The following INPP5A variants were observed in gnomAD, a reference collection of about 807,000 sequenced individuals.
INPP5A encodes the protein 43 kDa inositol polyphosphate 5-phophatase.
A neutral mutation model predicts 65.2 loss-of-function variants in INPP5A; 14 were observed. That is an observed-to-expected ratio of 0.21 (90% CI 0.14 to 0.34). The LOEUF (loss-of-function observed/expected upper bound fraction) is 0.34. INPP5A is among the 10% of genes least tolerant of loss of function. INPP5A has a pLI of 1.00. For missense variants in INPP5A, 431 were observed against 545.6 expected (o/e 0.79, Z 2.09); for synonymous variants, 207 against 208.3 (o/e 0.99, Z 0.05).
chr10:132,548,399 C>T (rs1013093232), intron 1 of INPP5A, among the ~76,000 whole-genome samples: 7 of 152,054 alleles, frequency 4.6e-5, no homozygotes, highest in African/African-American at 1.2e-4. Context: ...GCCGGTGGCC[C>T]GGGAGTCGAC....
chr10:132,719,663 T>C (rs1348334065), intron 8 of INPP5A, among the ~76,000 whole-genome samples: 2 of 148,938 alleles, frequency 1.3e-5, no homozygotes, highest in African/African-American at 2.5e-5. Flanking sequence ...GGGTTCTGTC[T>C]GGGCACCTTA....
rs556753513 is a variant in INPP5A at position 132,672,510 on chromosome 10, A to G, written c.307-17882A>G. ...GTTTTACAAAGAGGAGTTTCCCTGC[A>G]CAAGCTCTTTCTTTGCCTGCTTCCA... On this transcript the variant is annotated intron_variant, in intron 4 of 15. Transcript: ENST00000368594. Among the ~76,000 whole-genome samples, 139 of 152,268 alleles carry G rather than the reference A, an allele frequency of 9.1e-4. 1 individual carries two copies. The highest frequency in any genetic ancestry group is 2.6e-3 in the Admixed American group (40 of 15,278).
intron 5 of INPP5A, among the ~76,000 whole-genome samples, chr10:132,692,145 C>A (rs771481981): frequency 1.2e-4 from 18 of 152,078 alleles, no homozygotes; most frequent in Non-Finnish European, 1.9e-4. Context: ...ACCTAGAAAT[C>A]AGAAACAGTA....
intron 4 of INPP5A, among the ~76,000 whole-genome samples, chr10:132,689,043 G>T (rs76956540): frequency 0.015 from 2,256 of 152,328 alleles, 34 homozygotes; most frequent in South Asian, 0.039. Context: ...GTTAATGTTT[G>T]CAAGCGTGTG....
chr10:132,738,711 G>A (rs1846221743), intron 9 of INPP5A, among the ~76,000 whole-genome samples: 1 of 152,244 alleles, frequency 6.6e-6, no homozygotes, highest in South Asian at 2.1e-4. Context: ...AGCAACCTTG[G>A]GAGAGGACAT....
intron 9 of INPP5A, among the ~76,000 whole-genome samples, chr10:132,739,535 GC>G (rs1006556083): frequency 7.9e-5 from 12 of 152,346 alleles, no homozygotes; most frequent in African/African-American, 2.9e-4. Context: ...GGTCCTAGTA[GC>G]CACCAGCATA....
chr10:132,570,334 C>T (rs915775940), intron 1 of INPP5A, among the ~76,000 whole-genome samples: 1 of 152,222 alleles, frequency 6.6e-6, no homozygotes, highest in African/African-American at 2.4e-5. Flanking sequence ...TTAACTGTAG[C>T]CCTTCTGTGG....
At chr10:132,672,498 G>T (rs1027641259) in intron 4 of INPP5A, among the ~76,000 whole-genome samples, 4 of 152,142 alleles carry the variant, frequency 2.6e-5, no homozygotes, top group Non-Finnish European at 5.9e-5. Flanking sequence ...TTACAAAGAG[G>T]AGTTTCCCTG....
At chr10:132,593,622 C>T (rs1024121306) in intron 1 of INPP5A, among the ~76,000 whole-genome samples, 14 of 152,242 alleles carry the variant, frequency 9.2e-5, no homozygotes, top group East Asian at 3.8e-4. Context: ...CCTCCAGTCT[C>T]TTCTTGCTGG....
In INPP5A at chr10:132,698,790, A is replaced by G. The variant is rs1222688648; in HGVS notation, c.474+871A>G. Reference sequence around the variant, plus strand: ...GGACTTGTCTGCGCAGGCAGCCCCAAGAAGGATTGCTCTGCGGTCCTGTCT... The same window carrying G: ...GGACTTGTCTGCGCAGGCAGCCCCAGGAAGGATTGCTCTGCGGTCCTGTCT... On this transcript the variant is annotated intron_variant, in intron 6 of 15. Coordinates refer to ENST00000368594, the MANE Select transcript of INPP5A (RefSeq NM_005539.5). This position sits in a 1 kb window ranked among gnomAD's most constrained non-coding sequence, Gnocchi z 5.5. 1.3e-5 allele frequency among the ~76,000 whole-genome samples: 2 copies of G among 152,198 alleles called. No individual in the cohort carries two copies. The highest frequency in any genetic ancestry group is 1.9e-4 in the East Asian group (1 of 5,178).
intron 8 of INPP5A, among the ~76,000 whole-genome samples, chr10:132,716,140 G>A (rs2803996): frequency 0.093 from 14,120 of 152,276 alleles, 745 homozygotes; most frequent in African/African-American, 0.13. Context: ...CAGGGGCAGC[G>A]CCTGCACCCG....
chr10:132,773,626 G>A (rs1052743403), intron 12 of INPP5A, among the ~76,000 whole-genome samples: 2 of 152,224 alleles, frequency 1.3e-5, no homozygotes, highest in African/African-American at 4.8e-5. Flanking sequence ...TCCGCCTGGT[G>A]GTCAGGAACC....
Position 132,678,243 on chromosome 10 carries a change from G to A in INPP5A, c.307-12149G>A, listed in dbSNP as rs2072994839. Among the ~76,000 whole-genome samples the A allele has an allele frequency of 1.3e-5, 2 of 152,222 alleles. No individual in the cohort carries two copies. Among genetic ancestry groups the A allele is most frequent in the African/African-American group, 2.4e-5 (1 of 41,456 alleles). The stretch of plus-strand genomic sequence containing the variant: ...ACTGGGGGAAGTGGGCAGTAGTGAG[G>A]ACGCCGCCTTGTCCAGTTGGGTCAG... On this transcript the variant is annotated intron_variant, in intron 4 of 15. Coordinates refer to ENST00000368594, the MANE Select transcript of INPP5A (RefSeq NM_005539.5). The surrounding 1 kb of genome is among the most constrained non-coding windows in gnomAD (Gnocchi z 4.1).
chr10:132,585,512 T>C (rs981784196), intron 1 of INPP5A, among the ~76,000 whole-genome samples: 1 of 152,234 alleles, frequency 6.6e-6, no homozygotes, highest in African/African-American at 2.4e-5. Context: ...AAAACCATGG[T>C]GTATATGGGG....
In INPP5A at chr10:132,753,381, G is replaced by A. The variant is rs1041592844; in HGVS notation, c.903+3536G>A. On this transcript the variant is annotated intron_variant, in intron 11 of 15. Transcript: ENST00000368594. This position sits in a 1 kb window ranked among gnomAD's most constrained non-coding sequence, Gnocchi z 5.3. ...CGCCGGTCGCAGCCCCAAGTCCATT[G>A]CATCCTTCATCAACCGCCGGTCTTG... Among the ~76,000 whole-genome samples, 1 of 152,196 alleles carries A rather than the reference G, an allele frequency of 6.6e-6. No homozygotes were observed. Among genetic ancestry groups the A allele is most frequent in the East Asian group, 1.9e-4 (1 of 5,194 alleles).
chr10:132,542,642 C>A (rs188372979), intron 1 of INPP5A, among the ~76,000 whole-genome samples: 4 of 152,274 alleles, frequency 2.6e-5, no homozygotes, highest in Admixed American at 2.0e-4. Flanking sequence ...CACTCCTGCA[C>A]AGCAGGGCCC....
In INPP5A at chr10:132,663,904, G is replaced by A. The variant is rs976609214; in HGVS notation, c.306+13399G>A. 5.3e-5 allele frequency among the ~76,000 whole-genome samples: 8 copies of A among 152,358 alleles called. No homozygotes were observed. In the East Asian group the frequency reaches 5.8e-4, roughly 11 times the overall value. Reference sequence around the variant, plus strand: ...GGCTCTGTGGCAAAGGCTGGGCCAAGGTGCCTCGTGGGCAGCCGATCCATC... The same window carrying A: ...GGCTCTGTGGCAAAGGCTGGGCCAAAGTGCCTCGTGGGCAGCCGATCCATC... On this transcript the variant is annotated intron_variant, in intron 4 of 15. Transcript: ENST00000368594. This position sits in a 1 kb window ranked among gnomAD's most constrained non-coding sequence, Gnocchi z 4.5.
At chr10:132,584,953 C>G (rs946217876) in intron 1 of INPP5A, among the ~76,000 whole-genome samples, 1 of 152,044 alleles carries the variant, frequency 6.6e-6, no homozygotes, top group Non-Finnish European at 1.5e-5. Flanking sequence ...TCTTTCCTGG[C>G]CTCAGGCCTC....
At chr10:132,589,088 G>A (rs927162333) in intron 1 of INPP5A, among the ~76,000 whole-genome samples, 2 of 152,194 alleles carry the variant, frequency 1.3e-5, no homozygotes, top group African/African-American at 4.8e-5. Context: ...GGAGTGTGGG[G>A]TGTGGTCCAG....
Sources: allele counts gnomAD v4.1 joint callset (sites outside exome capture counted in the v4.1 genomes callset), GRCh38; gene constraint gnomAD v4.1.1; non-coding constraint Gnocchi (gnomAD v3.1); transcripts MANE v1.5; gene names NCBI Gene and HGNC (gene_info 2026-07-23, HGNC 2026-07-21).